The following CAMSAP3 variants were observed in gnomAD, a reference collection of about 807,000 sequenced individuals.
CAMSAP3 encodes the protein calmodulin-regulated spectrin-associated protein 3.
Under a neutral mutation model 112.5 loss-of-function variants are expected in CAMSAP3, and 34 were observed. That is an observed-to-expected ratio of 0.30 (90% CI 0.23 to 0.40). The LOEUF (loss-of-function observed/expected upper bound fraction) is 0.40. Among genes scored for constraint, CAMSAP3 ranks in the 10% least tolerant of loss-of-function variants. CAMSAP3 has a pLI of 1.00. For synonymous variants in CAMSAP3, 868 were observed against 799.8 expected, an observed-to-expected ratio of 1.09 and a Z score of -1.44; for missense variants, 1,602 against 1,770.3, an observed-to-expected ratio of 0.90 and a Z score of 1.71.
intron 11 of CAMSAP3, among the ~76,000 whole-genome samples, chr19:7,614,343 T>C (rs1465402853): frequency 6.8e-6 from 1 of 148,004 alleles, no homozygotes; most frequent in Non-Finnish European, 1.5e-5. Flanking sequence ...TTTGTTTTGT[T>C]TTCTTTTGTT....
At position 7,615,320 on chromosome 19, in the gene CAMSAP3, G is replaced by C. The variant is rs186230809; in HGVS notation, c.2808G>C (p.Ala936=). 1.3e-6 allele frequency: 2 copies of C among 1,544,928 alleles called. No individual in the cohort carries two copies. The highest frequency in any genetic ancestry group is 2.7e-5 in the African/African-American group (2 of 72,932). ...AGGAACAGCGGAGGGAGGAGGCCGCGAGGTGAGGCCGGGCCTGCCCGGGAC... is the reference window on the plus strand; with the variant it reads ...AGGAACAGCGGAGGGAGGAGGCCGCCAGGTGAGGCCGGGCCTGCCCGGGAC... ...VEKEQRREEA[A]RLAQEEAPGP... is the part of the protein sequence containing the mutation. Residue 936 remains alanine, a splice_region_variant and synonymous_variant, in exon 12 of 17, where the codon GCG becomes GCC. Coordinates refer to ENST00000160298, the MANE Select transcript of CAMSAP3 (RefSeq NM_020902.2). The surrounding 1 kb of genome is among the most constrained non-coding windows in gnomAD (Gnocchi z 6.5).
In CAMSAP3 at chr19:7,615,459, C is replaced by A; in HGVS notation, c.2852C>A (p.Ser951Tyr). ...EEAPGPAPLV[S>Y]AVPMATPAPA... ...GCCCCGGGCCCAGCCCCGCTTGTGT[C>A]CGCAGTCCCGATGGCGACTCCAGCC... The change falls in exon 13 of 17, where the codon TCC becomes TAC. Residue 951 changes from serine to tyrosine, a missense_variant. Transcript: ENST00000160298. This position sits in a 1 kb window ranked among gnomAD's most constrained non-coding sequence, Gnocchi z 6.5. The A allele has an allele frequency of 1.3e-6, 2 of 1,541,212 alleles. No individual in the cohort carries two copies. The highest frequency in any genetic ancestry group is 1.7e-6 in the Non-Finnish European group (2 of 1,146,254).
In CAMSAP3 at chr19:7,611,470, TCAGGGTTCC is replaced by T; in HGVS notation, c.1124-40_1124-32del. 6.5e-7 allele frequency: 1 copy of T among 1,542,876 alleles called. No individual in the cohort carries two copies. Among genetic ancestry groups the T allele is most frequent in the South Asian group, 1.2e-5 (1 of 81,106 alleles). ...GTCCCCAGATGCTGGCTGACCCCAC[TCAGGGTTCC>T]CAGGGTCCCCATAGTGACCACTCAT... On this transcript the variant is annotated intron_variant, in intron 9 of 16. Coordinates refer to ENST00000160298, the MANE Select transcript of CAMSAP3 (RefSeq NM_020902.2). The surrounding 1 kb of genome is among the most constrained non-coding windows in gnomAD (Gnocchi z 6.9).
At position 7,613,117 on chromosome 19, in the gene CAMSAP3, C is replaced by A; in HGVS notation, c.2624C>A (p.Ala875Glu). Residue 875 changes from alanine to glutamate, a missense_variant, in exon 11 of 17, where the codon GCG (alanine) becomes GAG (glutamate). Ala to Glu is a moderately radical substitution (Grantham distance 107). Coordinates refer to ENST00000160298, the MANE Select transcript of CAMSAP3 (RefSeq NM_020902.2). ...AGAEDSLEEEASSEGEPRVGL... is the reference protein window; with the variant it reads ...AGAEDSLEEEESSEGEPRVGL... ...GCTGAGGATTCCTTGGAGGAGGAGG[C>A]GTCTTCGGAGGGGGAGCCCCGGGTG... 6.5e-7 allele frequency: 1 copy of A among 1,542,334 alleles called. No individual in the cohort carries two copies. Among genetic ancestry groups the A allele is most frequent in the Non-Finnish European group, 8.7e-7 (1 of 1,144,564 alleles).
At position 7,613,061 on chromosome 19, in the gene CAMSAP3, C is replaced by T. The variant is rs991346699; in HGVS notation, c.2568C>T (p.Ala856=). The T allele has an allele frequency of 2.6e-6, 4 of 1,548,582 alleles. No individual in the cohort carries two copies. The highest frequency in any genetic ancestry group is 3.9e-5 in the Admixed American group (2 of 51,050). ...IPLGSLADPA[A]EDEGDGSPAG... ...TGGGCAGCCTGGCAGATCCCGCCGC[C>T]GAGGACGAGGGAGACGGGAGCCCCG... Residue 856 remains alanine, a synonymous_variant, in exon 11 of 17, where the codon GCC becomes GCT. Transcript: ENST00000160298.
Position 7,612,635 on chromosome 19 carries a change from G to A in CAMSAP3, c.2142G>A (p.Gln714=). ...SKLSAALSSL[Q]RDMQRLTDQQ... Reference sequence around the variant, plus strand: ...TGAGTGCCGCCTTGAGCTCGCTGCAGCGGGACATGCAGAGGCTCACGGACC... The same window carrying A: ...TGAGTGCCGCCTTGAGCTCGCTGCAACGGGACATGCAGAGGCTCACGGACC... The change falls in exon 11 of 17, where the codon CAG becomes CAA. Residue 714 remains glutamine, a synonymous_variant. Transcript: ENST00000160298. 1 of 1,522,068 alleles carries A rather than the reference G, an allele frequency of 6.6e-7. No homozygotes were observed. The highest frequency in any genetic ancestry group is 8.8e-7 in the Non-Finnish European group (1 of 1,136,744). The allele number at this position is 1,522,068 out of a possible 1,614,324, so 94.3% of individuals were successfully genotyped here.
At position 7,606,554 on chromosome 19, in the gene CAMSAP3, G is replaced by T; in HGVS notation, c.604G>T (p.Ala202Ser). Residue 202 changes from alanine (A) to serine (S), a missense_variant, in exon 4 of 17, where the codon GCC becomes TCC. Ala to Ser is a moderately conservative substitution (Grantham distance 99, BLOSUM62 1). This residue lies in a region of CAMSAP3 where 112 missense variants were observed against 94.2 expected (regional missense o/e 1.19). Transcript: ENST00000160298. ...ASPAAPADGA[A>S]PAQPSIRYRK... is the part of the protein sequence containing the mutation. ...TCCAGCAGCCCCTGCAGACGGGGCGGCCCCGGCGCAGCCCTCGGTGAGGCC... is the reference window on the plus strand; with the variant it reads ...TCCAGCAGCCCCTGCAGACGGGGCGTCCCCGGCGCAGCCCTCGGTGAGGCC... 1 of 1,539,124 alleles carries T rather than the reference G, an allele frequency of 6.5e-7. No individual in the cohort carries two copies. Among genetic ancestry groups the T allele is most frequent in the South Asian group, 1.2e-5 (1 of 84,630 alleles).
At chr19:7,604,053 C>G (rs1477481926) in intron 1 of CAMSAP3, among the ~76,000 whole-genome samples, 2 of 152,092 alleles carry the variant, frequency 1.3e-5, no homozygotes, top group Non-Finnish European at 2.9e-5. Flanking sequence ...GAGAATCATT[C>G]GAGCCCGGGA....
intron 1 of CAMSAP3, among the ~76,000 whole-genome samples, chr19:7,604,924 G>A (rs917532448): frequency 6.6e-6 from 1 of 152,038 alleles, no homozygotes; most frequent in African/African-American, 2.4e-5. Context: ...CTGGTATTGG[G>A]GGTAGCCTCC....
chr19:7,597,398 A>G (rs1052531350), intron 1 of CAMSAP3, among the ~76,000 whole-genome samples: 2 of 152,222 alleles, frequency 1.3e-5, no homozygotes, highest in African/African-American at 4.8e-5. Context: ...TTCCAAGGTT[A>G]CCAGGCTGTA....
At position 7,611,281 on chromosome 19, in the gene CAMSAP3, C is replaced by G; in HGVS notation, c.1123+113C>G. On this transcript the variant is annotated intron_variant, in intron 9 of 16. Coordinates refer to ENST00000160298, the MANE Select transcript of CAMSAP3 (RefSeq NM_020902.2). The surrounding 1 kb of genome is among the most constrained non-coding windows in gnomAD (Gnocchi z 6.9). ...CTTCCAATAGCCTCTCCATCAGATCCCCCTTGGGCATCCCAAAGTGACCCC... is the reference window on the plus strand; with the variant it reads ...CTTCCAATAGCCTCTCCATCAGATCGCCCTTGGGCATCCCAAAGTGACCCC... 2.7e-6 allele frequency: 3 copies of G among 1,107,014 alleles called. No homozygotes were observed. In the South Asian group the frequency reaches 4.1e-5, roughly 15 times the overall value. 68.6% of individuals were successfully genotyped at this position (1,107,014 alleles called of 1,614,324 possible).
Position 7,613,183 on chromosome 19 carries a change from G to T in CAMSAP3, c.2670+20G>T. On this transcript the variant is annotated intron_variant, in intron 11 of 16. Transcript: ENST00000160298. ...TACAAGGTGAGTCCCCGAGCAGGTG[G>T]CTGGAGGGTCCTGGGCCTGGGGCGG... 3 of 1,455,350 alleles carry T rather than the reference G, an allele frequency of 2.1e-6. No individual in the cohort carries two copies. Among genetic ancestry groups the T allele is most frequent in the Non-Finnish European group, 2.8e-6 (3 of 1,088,522 alleles). 90.2% of individuals were successfully genotyped at this position (1,455,350 alleles called of 1,614,324 possible). A position where few individuals can be genotyped will look rare whatever the true frequency, so the allele number is the denominator to read the frequency against.
rs1037698590 is a variant in CAMSAP3 at position 7,617,352 on chromosome 19, C to A, written c.3239C>A (p.Ser1080Tyr). Reference protein sequence around the residue: ...SRAPSPSGLMSPSRLPGSRER... With the variant: ...SRAPSPSGLMYPSRLPGSRER... ...GCTCCCTCCCCGTCAGGTCTCATGTCCCCAAGCCGCCTGCCTGGAAGCCGC... is the reference window on the plus strand; with the variant it reads ...GCTCCCTCCCCGTCAGGTCTCATGTACCCAAGCCGCCTGCCTGGAAGCCGC... The change falls in exon 15 of 17, where the codon TCC (serine) becomes TAC (tyrosine). Residue 1080 changes from serine (S) to tyrosine (Y), a missense_variant. Ser to Tyr is a moderately radical substitution (Grantham distance 144). Around this residue, in one of 6 missense-constraint regions of CAMSAP3, gnomAD observed 1,100 missense variants for 1,135.7 expected, o/e 0.97. Coordinates refer to ENST00000160298, the MANE Select transcript of CAMSAP3 (RefSeq NM_020902.2). The surrounding 1 kb of genome is among the most constrained non-coding windows in gnomAD (Gnocchi z 7.5). The A allele has an allele frequency of 2.5e-6, 4 of 1,613,956 alleles. No individual in the cohort carries two copies. The African/African-American group carries it at 4.0e-5, about 16-fold the overall frequency.
intron 2 of CAMSAP3, 93 bp from the exon 3 acceptor site, chr19:7,606,178 C>A: frequency 1.6e-6 from 2 of 1,244,868 alleles, no homozygotes; most frequent in Non-Finnish European, 2.3e-6. Flanking sequence ...AAGTCCCTCC[C>A]ATCTGCAGGT....
intron 1 of CAMSAP3, among the ~76,000 whole-genome samples, chr19:7,599,076 CAGG>C (rs1471514214): frequency 6.6e-6 from 1 of 151,714 alleles, no homozygotes; most frequent in Non-Finnish European, 1.5e-5. Flanking sequence ...GAGGCTGAGG[CAGG>C]AGGATTGCCT....
rs1418365458 is a variant in CAMSAP3, at chr19:7,610,977, G to A, written c.1049+46G>A. 1.9e-6 allele frequency: 3 copies of A among 1,575,654 alleles called. No individual in the cohort carries two copies. The highest frequency in any genetic ancestry group is 2.3e-5 in the South Asian group (2 of 86,372). On this transcript the variant is annotated intron_variant, in intron 8 of 16. Coordinates refer to ENST00000160298, the MANE Select transcript of CAMSAP3 (RefSeq NM_020902.2). This position sits in a 1 kb window ranked among gnomAD's most constrained non-coding sequence, Gnocchi z 4.9. The stretch of plus-strand genomic sequence containing the variant: ...GAGTCTCTGGCATTGTGGGTGTGGG[G>A]CTCCATGTCTGCCTTGCTGAGCACT...
intron 1 of CAMSAP3, among the ~76,000 whole-genome samples, chr19:7,596,737 C>A (rs1173526630): frequency 6.6e-6 from 1 of 152,142 alleles, no homozygotes; most frequent in Non-Finnish European, 1.5e-5. Flanking sequence ...CTTTCGCCTC[C>A]ATAGCCCCCT....
In CAMSAP3 at chr19:7,610,637, C is replaced by G; in HGVS notation, c.900+22C>G. ...CAAGGTAAGGCCATCCTGGGGCCTCCTGGGCCGAGGCGGGCATCTGGGGCC... is the reference window on the plus strand; with the variant it reads ...CAAGGTAAGGCCATCCTGGGGCCTCGTGGGCCGAGGCGGGCATCTGGGGCC... On this transcript the variant is annotated intron_variant, in intron 6 of 16. Transcript: ENST00000160298. The surrounding 1 kb of genome is among the most constrained non-coding windows in gnomAD (Gnocchi z 4.9). 3 of 1,613,752 alleles carry G rather than the reference C, an allele frequency of 1.9e-6. No homozygotes were observed. The highest frequency in any genetic ancestry group is 2.5e-6 in the Non-Finnish European group (3 of 1,179,960).
rs190576075 is a variant in CAMSAP3, at chr19:7,603,845, G to A, written c.149-1381G>A. On this transcript the variant is annotated intron_variant, in intron 1 of 16. Coordinates refer to ENST00000160298, the MANE Select transcript of CAMSAP3 (RefSeq NM_020902.2). ...GCAAAAACTCAAACAAACAGAGAAG[G>A]CTGTGCAGGCTGGGCGTGGTGGCTC... 7.9e-5 allele frequency among the ~76,000 whole-genome samples: 12 copies of A among 151,756 alleles called. No individual in the cohort carries two copies. The East Asian group carries it at 1.8e-3, about 22-fold the overall frequency.
Sources: allele counts gnomAD v4.1 joint callset (sites outside exome capture counted in the v4.1 genomes callset), GRCh38; gene constraint gnomAD v4.1.1; regional missense constraint gnomAD v4.1.1; non-coding constraint Gnocchi (gnomAD v3.1); transcripts MANE v1.5; gene names NCBI Gene and HGNC (gene_info 2026-07-23, HGNC 2026-07-21).